Variants in DIAPH3 observed in about 807,000 individuals in gnomAD.
DIAPH3 encodes diaphanous related formin 3.
A neutral mutation model predicts 144.3 loss-of-function variants in DIAPH3; 117 were observed. The ratio of observed to expected loss-of-function variants is 0.81; its 90% CI spans 0.70 to 0.95. The LOEUF (loss-of-function observed/expected upper bound fraction) is 0.95, where lower values mean the gene tolerates loss of function less well. Among genes scored for constraint, DIAPH3 ranks in the 40% least tolerant of loss-of-function variants. The pLI is 0.00. For synonymous variants in DIAPH3, 519 were observed against 488.9 expected, an observed-to-expected ratio of 1.06 and a Z score of -0.81; for missense variants, 1,421 against 1,412.7, an observed-to-expected ratio of 1.01 and a Z score of -0.09.
chr13:59,857,160 T>C (rs2043304714), intron 22 of DIAPH3, among the ~76,000 whole-genome samples: 1 of 152,174 alleles, frequency 6.6e-6, no homozygotes, highest in Non-Finnish European at 1.5e-5. Context: ...TTTAGAAGGC[T>C]ATAGCAACAA....
chr13:60,055,829 A>G (rs2056536961), intron 4 of DIAPH3, among the ~76,000 whole-genome samples: 1 of 151,906 alleles, frequency 6.6e-6, no homozygotes, highest in African/African-American at 2.4e-5. Context: ...GGATGGGAAT[A>G]TGGTAGAAAA....
At chr13:59,980,537 T>C (rs1352733553) in intron 14 of DIAPH3, among the ~76,000 whole-genome samples, 2 of 151,574 alleles carry the variant, frequency 1.3e-5, no homozygotes. Flanking sequence ...CACATATAAA[T>C]ACATAAACTA....
Position 59,855,138 on chromosome 13 carries a change from T to C in DIAPH3, c.2737+6269A>G, listed in dbSNP as rs1399275467. ...CACAGTTTATATTTGCACTGCAAAA[T>C]GATTACTCTTACAATCTCATATCCA... On this transcript the variant is annotated intron_variant, in intron 22 of 27. Coordinates refer to ENST00000400324, the MANE Select transcript of DIAPH3 (RefSeq NM_001042517.2). Among the ~76,000 whole-genome samples the C allele has an allele frequency of 3.3e-5, 5 of 152,324 alleles. No individual in the cohort carries two copies. The East Asian group carries it at 9.6e-4, about 29-fold the overall frequency.
chr13:59,681,046 C>T (rs1174233449), intron 27 of DIAPH3, among the ~76,000 whole-genome samples: 1 of 152,044 alleles, frequency 6.6e-6, no homozygotes, highest in African/African-American at 2.4e-5. Flanking sequence ...CTTTTTTCTC[C>T]TGGTATATAC....
At chr13:59,751,939 T>A (rs973003200) in intron 27 of DIAPH3, among the ~76,000 whole-genome samples, 3 of 152,188 alleles carry the variant, frequency 2.0e-5, no homozygotes, top group African/African-American at 7.2e-5. Flanking sequence ...ATGGATCTGA[T>A]CCAGTAACAC....
At chr13:59,717,423 C>G (rs2035117584) in intron 27 of DIAPH3, among the ~76,000 whole-genome samples, 1 of 152,096 alleles carries the variant, frequency 6.6e-6, no homozygotes, top group South Asian at 2.1e-4. Flanking sequence ...GCAGGAACTT[C>G]TGGTCTCTGT....
intron 4 of DIAPH3, among the ~76,000 whole-genome samples, chr13:60,078,035 T>A (rs1411395202): frequency 1.3e-5 from 2 of 152,114 alleles, no homozygotes; most frequent in African/African-American, 4.8e-5. Flanking sequence ...TACCTGCTCA[T>A]GAAATGAAAA....
chr13:60,035,187 C>G (rs1333570254), intron 5 of DIAPH3, among the ~76,000 whole-genome samples: 4 of 152,122 alleles, frequency 2.6e-5, no homozygotes, highest in Non-Finnish European at 4.4e-5. Flanking sequence ...CTCTTATTTA[C>G]CATCTATAGA....
At chr13:60,141,961 G>C (rs1298376795) in intron 1 of DIAPH3, among the ~76,000 whole-genome samples, 3 of 152,148 alleles carry the variant, frequency 2.0e-5, no homozygotes, top group Non-Finnish European at 4.4e-5. Context: ...ATGGGCAGGG[G>C]AGTGTTTGCA....
intron 27 of DIAPH3, among the ~76,000 whole-genome samples, chr13:59,674,209 C>T (rs754847287): frequency 6.6e-6 from 1 of 152,182 alleles, no homozygotes; most frequent in Non-Finnish European, 1.5e-5. Context: ...GATCATATTA[C>T]CTTTATATAT....
At chr13:60,052,448 A>G (rs2056386035) in intron 4 of DIAPH3, among the ~76,000 whole-genome samples, 1 of 152,178 alleles carries the variant, frequency 6.6e-6, no homozygotes, top group African/African-American at 2.4e-5. Context: ...TATGTGAATA[A>G]TGAAATCATT....
intron 20 of DIAPH3, among the ~76,000 whole-genome samples, chr13:59,889,902 T>C (rs536671419): frequency 2.6e-5 from 4 of 152,166 alleles, no homozygotes; most frequent in Non-Finnish European, 5.9e-5. Flanking sequence ...GGGGAGTTCA[T>C]CAAGACGTGC....
intron 17 of DIAPH3, among the ~76,000 whole-genome samples, chr13:59,967,120 G>A (rs1355409473): frequency 1.3e-5 from 2 of 152,124 alleles, no homozygotes; most frequent in Non-Finnish European, 2.9e-5. Flanking sequence ...AGACTGGAGT[G>A]CAGTGGCGTG....
intron 2 of DIAPH3, among the ~76,000 whole-genome samples, chr13:60,120,571 T>C (rs1012041147): frequency 1.3e-5 from 2 of 152,232 alleles, no homozygotes; most frequent in African/African-American, 4.8e-5. Context: ...AGGTTTCACA[T>C]AGTATTTTAA....
At position 59,871,187 on chromosome 13, in the gene DIAPH3, A is replaced by AT. The variant is rs36004791; in HGVS notation, c.2607+8041dup. ...GTTCCAGGAGGTTTATTTTTTGTCC[A>AT]TTTTTTTTGGGGGGGGGGGTGGCGG... On this transcript the variant is annotated intron_variant, in intron 21 of 27. Transcript: ENST00000400324. 2.5e-3 allele frequency among the ~76,000 whole-genome samples: 151 copies of AT among 60,050 alleles called. 1 individual carries two copies. Among genetic ancestry groups the AT allele is most frequent in the Admixed American group, 5.6e-3 (25 of 4,480 alleles). 39.4% of individuals were successfully genotyped at this position (60,050 alleles called of 152,430 possible).
intron 25 of DIAPH3, among the ~76,000 whole-genome samples, chr13:59,777,370 TA>T (rs1444331404): frequency 3.9e-5 from 6 of 152,010 alleles, no homozygotes; most frequent in Non-Finnish European, 2.9e-5. Context: ...TACATAGTAA[TA>T]AAAATGTAGG....
Position 60,022,473 on chromosome 13 carries a change from C to T in DIAPH3, c.627-6328G>A, listed in dbSNP as rs1446491450. On this transcript the variant is annotated intron_variant, in intron 5 of 27. Coordinates refer to ENST00000400324, the MANE Select transcript of DIAPH3 (RefSeq NM_001042517.2). ...CAGGAAACTGAGGAGTTTAAAACCACAAATATATTATCTTGTAGTTCTGGA... is the reference window on the plus strand; with the variant it reads ...CAGGAAACTGAGGAGTTTAAAACCATAAATATATTATCTTGTAGTTCTGGA... Among the ~76,000 whole-genome samples, 4 of 152,150 alleles carry T rather than the reference C, an allele frequency of 2.6e-5. No individual in the cohort carries two copies. The East Asian group carries it at 5.8e-4, about 22-fold the overall frequency.
intron 3 of DIAPH3, among the ~76,000 whole-genome samples, chr13:60,102,194 A>G (rs544512027): frequency 2.0e-5 from 3 of 152,266 alleles, no homozygotes; most frequent in Non-Finnish European, 4.4e-5. Context: ...CCACCTCAAG[A>G]AAGGGCATTA....
rs950725050 is a variant in DIAPH3, at chr13:60,095,310, G to A, written c.391-1578C>T. Among the ~76,000 whole-genome samples, 4 of 152,270 alleles carry A rather than the reference G, an allele frequency of 2.6e-5. No individual in the cohort carries two copies. In the East Asian group the frequency reaches 7.7e-4, roughly 29 times the overall value. On this transcript the variant is annotated intron_variant, in intron 3 of 27. Transcript: ENST00000400324. ...TTACACAGCAACCTTTTATCGAATG[G>A]TGCTGCTCCTTGCAGAGCAGGGCTA...
Sources: allele counts gnomAD v4.1 joint callset (sites outside exome capture counted in the v4.1 genomes callset), GRCh38; gene constraint gnomAD v4.1.1; transcripts MANE v1.5; gene names NCBI Gene and HGNC (gene_info 2026-07-23, HGNC 2026-07-21).